ACTN1: variants seen among roughly 807,000 people sequenced by gnomAD.
ACTN1 encodes alpha-actinin-1.
ACTN1 carries 30 observed loss-of-function variants against 119.6 expected under a neutral mutation model. The observed-to-expected ratio is 0.25, with a 90% CI of 0.19 to 0.34. ACTN1 has a LOEUF of 0.34. ACTN1 is among the 10% of genes least tolerant of loss of function. The pLI, the probability that ACTN1 is intolerant of heterozygous loss-of-function variation, is 1.00. For synonymous variants in ACTN1, 429 were observed against 472.6 expected (o/e 0.91, Z 1.20); for missense variants, 764 against 1,223.4 (o/e 0.62, Z 5.60).
chr14:68,979,254 G>T lies in ACTN1; in HGVS notation c.-198C>A, dbSNP rs867074953. 2.1e-5 allele frequency: 9 copies of T among 433,064 alleles called. 1 individual carries two copies. The highest frequency in any genetic ancestry group is 5.9e-4 in the Middle Eastern group (1 of 1,694). The allele number at this position is 433,064 out of a possible 1,614,324, so 26.8% of individuals were successfully genotyped here. A position where few individuals can be genotyped will look rare whatever the true frequency, so the allele number is the denominator to read the frequency against. ...CGGCGACAGCGGCGGCTGGGCTCGC[G>T]GACTGCCTGCCTCTGGGCGGGCGCT... On this transcript the variant is annotated 5_prime_UTR_variant, in exon 1 of 22. Coordinates refer to ENST00000394419, the MANE Select transcript of ACTN1 (RefSeq NM_001130004.2).
At chr14:68,975,619 G>A (rs1238387448) in intron 1 of ACTN1, among the ~76,000 whole-genome samples, 1 of 152,122 alleles carries the variant, frequency 6.6e-6, no homozygotes, top group Non-Finnish European at 1.5e-5. Flanking sequence ...AGAAAACTGG[G>A]GGCTGCAGTC....
rs1018691748 is a variant in ACTN1, at chr14:68,878,053, G to A, written c.2427+405C>T. The A allele has an allele frequency of 2.2e-5, 4 of 185,436 alleles. No individual in the cohort carries two copies. Among genetic ancestry groups the A allele is most frequent in the East Asian group, 1.4e-4 (1 of 7,190 alleles). 11.5% of individuals were successfully genotyped at this position (185,436 alleles called of 1,614,324 possible). ...ACGGCCTGGGACAATCCAGAGGGGCGGCAGGCCCAACCAGAGTCACCGCCA... is the reference window on the plus strand; with the variant it reads ...ACGGCCTGGGACAATCCAGAGGGGCAGCAGGCCCAACCAGAGTCACCGCCA... On this transcript the variant is annotated intron_variant, in intron 20 of 21. Coordinates refer to ENST00000394419, the MANE Select transcript of ACTN1 (RefSeq NM_001130004.2). The surrounding 1 kb of genome is among the most constrained non-coding windows in gnomAD (Gnocchi z 4.4).
chr14:68,966,930 T>G (rs892754733), intron 1 of ACTN1, among the ~76,000 whole-genome samples: 2 of 152,166 alleles, frequency 1.3e-5, no homozygotes, highest in Non-Finnish European at 2.9e-5. Flanking sequence ...GAGGGACATG[T>G]CAGTATGGCC....
chr14:68,922,807 T>C (rs963602761), intron 2 of ACTN1, among the ~76,000 whole-genome samples: 2 of 152,250 alleles, frequency 1.3e-5, no homozygotes, highest in Admixed American at 6.5e-5. Flanking sequence ...AGGACTGGGT[T>C]AAGGTTTGGA....
At chr14:68,918,145 A>G (rs946783834) in intron 3 of ACTN1, among the ~76,000 whole-genome samples, 1 of 152,344 alleles carries the variant, frequency 6.6e-6, no homozygotes, top group East Asian at 1.9e-4. Flanking sequence ...GGGAAAACTG[A>G]GGCTGCCAGG....
intron 1 of ACTN1, among the ~76,000 whole-genome samples, chr14:68,932,513 CT>C (rs753725900): frequency 0.068 from 5,956 of 87,222 alleles, 100 homozygotes; most frequent in African/African-American, 0.11. Context: ...ATACACCCAG[CT>C]TTTTTTTTTT....
chr14:68,978,232 G>C (rs1484665648), intron 1 of ACTN1: 1 of 456,162 alleles, frequency 2.2e-6, no homozygotes, highest in Non-Finnish European at 4.4e-6. Context: ...CCGGGGGTCG[G>C]AGGGGCAGGA....
In ACTN1 at chr14:68,965,860, G is replaced by A. The variant is rs938540578; in HGVS notation, c.105+13092C>T. On this transcript the variant is annotated intron_variant, in intron 1 of 21. Coordinates refer to ENST00000394419, the MANE Select transcript of ACTN1 (RefSeq NM_001130004.2). ...GAGGGCTCCTAAAGAAGCTGTGTTC[G>A]CCGAATAGTTAACTTCAGGGCCAGG... Among the ~76,000 whole-genome samples the A allele has an allele frequency of 7.2e-5, 11 of 152,174 alleles. No individual in the cohort carries two copies. The South Asian group carries it at 1.7e-3, about 23-fold the overall frequency.
At chr14:68,919,305 G>C (rs1356230359) in intron 3 of ACTN1, among the ~76,000 whole-genome samples, 2 of 152,040 alleles carry the variant, frequency 1.3e-5, no homozygotes, top group Non-Finnish European at 2.9e-5. Flanking sequence ...ACCCACCCCT[G>C]CCACTGACCC....
At chr14:68,902,397 G>T in intron 8 of ACTN1, 80 bp downstream of exon 8, 1 of 1,198,086 alleles carries the variant, frequency 8.3e-7, no homozygotes, top group Non-Finnish European at 1.2e-6. Flanking sequence ...ACCAGGAGAG[G>T]TGGAGGCGGG....
chr14:68,875,298 T>A (rs1046690061), intron 21 of ACTN1, among the ~76,000 whole-genome samples: 1 of 152,388 alleles, frequency 6.6e-6, no homozygotes, highest in African/African-American at 2.4e-5. Context: ...TATAATCATC[T>A]TCTGAATCAC....
In ACTN1 at chr14:68,917,691, T is replaced by C. The variant is rs1286455663; in HGVS notation, c.340+3315A>G. Among the ~76,000 whole-genome samples the C allele has an allele frequency of 2.0e-5, 3 of 151,854 alleles. No individual in the cohort carries two copies. In the East Asian group the frequency reaches 5.8e-4, roughly 29 times the overall value. On this transcript the variant is annotated intron_variant, in intron 3 of 21. Coordinates refer to ENST00000394419, the MANE Select transcript of ACTN1 (RefSeq NM_001130004.2). ...ATCTTGGTGCTCAGCCTGATGGGAG[T>C]GGATGATTTCACTCCTGGAAGCCAC...
intron 1 of ACTN1, among the ~76,000 whole-genome samples, chr14:68,975,626 A>G (rs1182664961): frequency 1.3e-5 from 2 of 152,234 alleles, no homozygotes; most frequent in Non-Finnish European, 2.9e-5. Context: ...TGGGGGCTGC[A>G]GTCACCCTGA....
intron 7 of ACTN1, among the ~76,000 whole-genome samples, chr14:68,904,300 C>G (rs2033529618): frequency 6.6e-6 from 1 of 152,130 alleles, no homozygotes; most frequent in Non-Finnish European, 1.5e-5. Flanking sequence ...GGACAGTGCA[C>G]CTCTCAGCAA....
intron 1 of ACTN1, among the ~76,000 whole-genome samples, chr14:68,928,427 T>C (rs2035036742): frequency 1.3e-5 from 2 of 151,872 alleles, no homozygotes; most frequent in Admixed American, 1.3e-4. Flanking sequence ...AACTGGAAAG[T>C]TTCCCCAACA....
In ACTN1 at chr14:68,925,625, CTG is replaced by C; in HGVS notation, c.151_152del (p.Gln51AspfsTer24). 1 of 1,613,604 alleles carries C rather than the reference CTG, an allele frequency of 6.2e-7. No homozygotes were observed. Among genetic ancestry groups the C allele is most frequent in the South Asian group, 1.1e-5 (1 of 90,966 alleles). ...GGAAGTCCTCTTCGATGTTCTCGATCTGTGTCCCCGCCTTCCGGAGGTGGGAG... is the reference window on the plus strand; with the variant it reads ...GGAAGTCCTCTTCGATGTTCTCGATCTGTCCCCGCCTTCCGGAGGTGGGAG... ...CNSHLRKAGT[Q>X]IENIEEDFRD... On this transcript the variant is annotated frameshift_variant, in exon 2 of 22. Transcript: ENST00000394419. LOFTEE classifies it high-confidence loss of function. The surrounding 1 kb of genome is among the most constrained non-coding windows in gnomAD (Gnocchi z 4.3).
Position 68,885,412 on chromosome 14 carries a change from T to G in ACTN1, c.1385+13A>C. On this transcript the variant is annotated intron_variant, in intron 12 of 21. Transcript: ENST00000394419. The surrounding 1 kb of genome is among the most constrained non-coding windows in gnomAD (Gnocchi z 5.6). ...CCCCTCACCACAGGGTAGGGGTGTC[T>G]GGGGCCACCTACTTGAGCTCCTGTG... 6.2e-7 allele frequency: 1 copy of G among 1,604,442 alleles called. No individual in the cohort carries two copies. Among genetic ancestry groups the G allele is most frequent in the East Asian group, 2.2e-5 (1 of 44,624 alleles).
At chr14:68,928,061 G>A (rs2035019240) in intron 1 of ACTN1, among the ~76,000 whole-genome samples, 1 of 152,180 alleles carries the variant, frequency 6.6e-6, no homozygotes, top group Non-Finnish European at 1.5e-5. Context: ...GATGCTTTCA[G>A]GTCCAATGTG....
chr14:68,969,203 A>C (rs1281086684), intron 1 of ACTN1, among the ~76,000 whole-genome samples: 1 of 152,396 alleles, frequency 6.6e-6, no homozygotes, highest in East Asian at 1.9e-4. Flanking sequence ...AAAGCTACAA[A>C]GCAAAACTTC....
Sources: allele counts gnomAD v4.1 joint callset (sites outside exome capture counted in the v4.1 genomes callset), GRCh38; gene constraint gnomAD v4.1.1; non-coding constraint Gnocchi (gnomAD v3.1); transcripts MANE v1.5; gene names NCBI Gene and HGNC (gene_info 2026-07-23, HGNC 2026-07-21).